The following LMF1 variants were observed in gnomAD, a reference collection of about 807,000 sequenced individuals.
LMF1 encodes the protein lipase maturation factor 1, also known as transmembrane protein 112.
A neutral mutation model predicts 60.6 loss-of-function variants in LMF1; 68 were observed. The ratio of observed to expected loss-of-function variants is 1.12; its 90% CI spans 0.92 to 1.37. The LOEUF is 1.37. Ranked by LOEUF, LMF1 falls within the 40% of genes most tolerant of loss-of-function variation. The pLI is 0.00. For missense variants in LMF1, 948 were observed against 767.2 expected (o/e 1.24, Z -2.78); for synonymous variants, 418 against 324.7 (o/e 1.29, Z -3.09).
chr16:949,226 AAC>A (rs1204782656), intron 2 of LMF1, among the ~76,000 whole-genome samples: 2 of 138,338 alleles, frequency 1.4e-5, no homozygotes, highest in Non-Finnish European at 3.1e-5. Flanking sequence ...GTCAGCCAAC[AAC>A]AGAGTCAGAG....
At chr16:970,343 A>G (rs4984738) in intron 1 of LMF1, among the ~76,000 whole-genome samples, 58,603 of 152,010 alleles carry the variant, frequency 0.39, 11,751 homozygotes, top group South Asian at 0.53. Flanking sequence ...TGTGTCGGGG[A>G]CAGCAGGAGC....
Position 879,746 on chromosome 16 carries a change from A to T in LMF1, c.730-9T>A. 6.4e-7 allele frequency: 1 copy of T among 1,572,322 alleles called. No individual in the cohort carries two copies. Among genetic ancestry groups the T allele is most frequent in the Non-Finnish European group, 8.6e-7 (1 of 1,159,122 alleles). ...TTGGGCATCGGCTGGGTCTGCAGGG[A>T]CAGGAGGGGCCGTGAGGTGCCTGGC... On this transcript the variant is annotated splice_polypyrimidine_tract_variant and intron_variant, in intron 5 of 10. Transcript: ENST00000262301.
At chr16:870,403 A>G (rs1355832585) in intron 8 of LMF1, among the ~76,000 whole-genome samples, 2 of 152,186 alleles carry the variant, frequency 1.3e-5, no homozygotes, top group African/African-American at 4.8e-5. Flanking sequence ...GCCTGTGTTC[A>G]GGTGGCACTA....
At chr16:855,704 T>C in intron 10 of LMF1, 1 of 455,948 alleles carries the variant, frequency 2.2e-6, no homozygotes, top group Non-Finnish European at 4.4e-6. Flanking sequence ...GTGGGTGTGA[T>C]GGTGCAGCCA....
At chr16:974,251 T>C (rs1174293768), upstream of LMF1, among the ~76,000 whole-genome samples, 9 of 152,114 alleles carry the variant, frequency 5.9e-5, no homozygotes, top group Non-Finnish European at 1.3e-4. Context: ...AAACCCAGAG[T>C]GAGCTGCAGC....
At chr16:889,911 C>T (rs777808620) in intron 5 of LMF1, among the ~76,000 whole-genome samples, 15 of 152,202 alleles carry the variant, frequency 9.9e-5, no homozygotes, top group Non-Finnish European at 1.9e-4. Context: ...GCTCCTGTCC[C>T]AGCTGAGGAC....
intron 5 of LMF1, among the ~76,000 whole-genome samples, chr16:887,987 G>A (rs1037946745): frequency 1.3e-5 from 2 of 152,246 alleles, no homozygotes; most frequent in African/African-American, 4.8e-5. Context: ...CTCCCTGAGG[G>A]TCTGTGGTGC....
At position 958,894 on chromosome 16, in the gene LMF1, A is replaced by C. The variant is rs554512626; in HGVS notation, c.194-4228T>G. 3.2e-3 allele frequency among the ~76,000 whole-genome samples: 471 copies of C among 148,468 alleles called. 3 individuals are homozygous for C. The highest frequency in any genetic ancestry group is 5.7e-3 in the Non-Finnish European group (383 of 67,214). ...AGAGTAAGACTGTCTCAAAAAAAAA[A>C]CCAAAAAAACAAAACAAAAAAAACA... On this transcript the variant is annotated intron_variant, in intron 1 of 10. Coordinates refer to ENST00000262301, the MANE Select transcript of LMF1 (RefSeq NM_022773.4).
At chr16:926,440 CGT>C (rs927547366) in intron 3 of LMF1, among the ~76,000 whole-genome samples, 43 of 151,962 alleles carry the variant, frequency 2.8e-4, no homozygotes, top group Non-Finnish European at 5.6e-4. Flanking sequence ...CATGTGTGCT[CGT>C]GTGTTTGCAC....
intron 4 of LMF1, chr16:902,678 C>G (rs1160384926): frequency 6.4e-6 from 1 of 156,914 alleles, no homozygotes; most frequent in Non-Finnish European, 1.4e-5. Flanking sequence ...GACCTCTGCA[C>G]TGCCTGTGGG....
chr16:981,347 A>AGAGAGTGT (rs1302286541), upstream of LMF1: 23 of 96,314 alleles, frequency 2.4e-4, no homozygotes, highest in East Asian at 4.2e-4. Context: ...AGAGAGAGAG[A>AGAGAGTGT]GTGTGTGTGT....
At chr16:954,165 A>T (rs1053401091) in intron 2 of LMF1, 192 bp downstream of exon 2, 1 of 709,786 alleles carries the variant, frequency 1.4e-6, no homozygotes, top group African/African-American at 1.7e-5. Context: ...TGGGGTTTTA[A>T]TCCTGAAGAT....
intron 4 of LMF1, chr16:904,963 C>T (rs575572210): frequency 3.0e-5 from 1 of 33,688 alleles, no homozygotes; most frequent in East Asian, 9.1e-4. Flanking sequence ...CCACAGGACG[C>T]CTGTCTCTGC....
rs552067355 is a variant in LMF1 at position 877,689 on chromosome 16, G to A, written c.897+1881C>T. 1.2e-4 allele frequency among the ~76,000 whole-genome samples: 18 copies of A among 152,204 alleles called. No individual in the cohort carries two copies. In the East Asian group the frequency reaches 1.4e-3, roughly 11 times the overall value. On this transcript the variant is annotated intron_variant, in intron 6 of 10. Transcript: ENST00000262301. ...CGTGAGAGGCAGTGCGCGGGGTGGC[G>A]GGCCCTCCCTGCTGTGGGACCCCAG... is the stretch of plus-strand genomic sequence containing the variant.
At chr16:911,533 TGGGGGGGC>T (rs2071113400) in intron 3 of LMF1, among the ~76,000 whole-genome samples, 1 of 94,572 alleles carries the variant, frequency 1.1e-5, no homozygotes, top group Admixed American at 1.1e-4. Flanking sequence ...GAGGCAGCAC[TGGGGGGGC>T]AGCACTGGGG....
chr16:854,699 G>T lies in LMF1; in HGVS notation c.1537C>A (p.Arg513=). ...AACTTGTACCTGTAGTGCTCTCCTC[G>T]GACCCACCTGCAAGGGGGCACATGT... ...FAGRPPPRWV[R]GEHYRYKFSR... Residue 513 remains arginine, a synonymous_variant, in exon 11 of 11, where the codon CGA becomes AGA. Coordinates refer to ENST00000262301, the MANE Select transcript of LMF1 (RefSeq NM_022773.4). 6.3e-7 allele frequency: 1 copy of T among 1,588,998 alleles called. No individual in the cohort carries two copies. Among genetic ancestry groups the T allele is most frequent in the Non-Finnish European group, 8.5e-7 (1 of 1,172,914 alleles).
chr16:906,441 A>C (rs1261612299), intron 4 of LMF1, among the ~76,000 whole-genome samples: 1 of 152,064 alleles, frequency 6.6e-6, no homozygotes, highest in African/African-American at 2.4e-5. Context: ...AAAGGAGAAG[A>C]GGGGAGACGG....
intron 4 of LMF1, chr16:899,401 G>C (rs938087599): frequency 2.0e-5 from 3 of 152,356 alleles, no homozygotes; most frequent in Non-Finnish European, 4.4e-5. Context: ...GATGGGCCCT[G>C]AAAGAAGCCC....
intron 5 of LMF1, among the ~76,000 whole-genome samples, chr16:881,809 ACCCGAAGTC>A (rs915315483): frequency 6.6e-6 from 1 of 152,182 alleles, no homozygotes; most frequent in African/African-American, 2.4e-5. Flanking sequence ...CTAGGCCCAC[ACCCGAAGTC>A]CCAGCTCTTG....
Sources: gnomAD v4.1 joint callset for allele counts (sites outside exome capture counted in the v4.1 genomes callset) on GRCh38, gnomAD v4.1.1 for gene constraint, MANE v1.5 for transcripts, NCBI Gene and HGNC (gene_info 2026-07-23, HGNC 2026-07-21) for gene names.